The following DENND1A variants were observed in gnomAD, a reference collection of about 807,000 sequenced individuals.
DENND1A encodes the protein DENN domain-containing protein 1A.
Under a neutral mutation model 113.7 loss-of-function variants are expected in DENND1A, and 51 were observed. That is an observed-to-expected ratio of 0.45 (90% CI 0.36 to 0.57). The LOEUF is 0.57. DENND1A is among the 20% of genes least tolerant of loss of function. DENND1A has a pLI of 0.00. For missense variants in DENND1A, 1,258 were observed against 1,395.9 expected, an observed-to-expected ratio of 0.90 and a Z score of 1.57; for synonymous variants, 565 against 570.8, an observed-to-expected ratio of 0.99 and a Z score of 0.14.
intron 20 of DENND1A, among the ~76,000 whole-genome samples, chr9:123,406,760 C>T (rs1351005590): frequency 1.3e-5 from 2 of 152,174 alleles, no homozygotes; most frequent in Admixed American, 6.5e-5. Flanking sequence ...GAATGATCCC[C>T]ACCCCCAACT....
At chr9:123,886,958 C>T (rs1167155718) in intron 1 of DENND1A, among the ~76,000 whole-genome samples, 3 of 152,194 alleles carry the variant, frequency 2.0e-5, no homozygotes, top group Non-Finnish European at 2.9e-5. Context: ...TATATCCCTA[C>T]GGGAAGATTC....
intron 1 of DENND1A, among the ~76,000 whole-genome samples, chr9:123,913,125 A>C (rs1013808739): frequency 1.3e-4 from 19 of 150,582 alleles, no homozygotes; most frequent in East Asian, 3.9e-4. Flanking sequence ...AAAAAAAAAA[A>C]AAAAAAAAAA....
chr9:123,890,406 T>A (rs909542006), intron 1 of DENND1A, among the ~76,000 whole-genome samples: 2 of 152,222 alleles, frequency 1.3e-5, no homozygotes, highest in African/African-American at 4.8e-5. Flanking sequence ...AAGCTATTTA[T>A]GGAGGAATAT....
In DENND1A at chr9:123,745,563, C is replaced by T. The variant is rs118101375; in HGVS notation, c.302+12140G>A. Among the ~76,000 whole-genome samples, 3 of 152,304 alleles carry T rather than the reference C, an allele frequency of 2.0e-5. No homozygotes were observed. The East Asian group carries it at 5.8e-4, about 29-fold the overall frequency. On this transcript the variant is annotated intron_variant, in intron 5 of 23. Transcript: ENST00000394215. ...GATTGAGCTTAATAGAATAAAATTGCCCAATTTGGCATTTATCCCAATGAA... is the reference window on the plus strand; with the variant it reads ...GATTGAGCTTAATAGAATAAAATTGTCCAATTTGGCATTTATCCCAATGAA...
chr9:123,495,682 C>T (rs1469920448), intron 13 of DENND1A, among the ~76,000 whole-genome samples: 1 of 152,196 alleles, frequency 6.6e-6, no homozygotes, highest in Non-Finnish European at 1.5e-5. Context: ...TAAAGACAAG[C>T]AAGAATCCTG....
chr9:123,461,125 C>T (rs1238050913), intron 13 of DENND1A, among the ~76,000 whole-genome samples: 1 of 152,230 alleles, frequency 6.6e-6, no homozygotes, highest in Admixed American at 6.5e-5. Context: ...CACACCACAT[C>T]CTTCCTTCCT....
intron 5 of DENND1A, among the ~76,000 whole-genome samples, chr9:123,677,910 T>C (rs1351734520): frequency 1.3e-5 from 2 of 152,136 alleles, no homozygotes; most frequent in Admixed American, 1.3e-4. Context: ...CTCATAGATA[T>C]GCTCCCCTCA....
chr9:123,508,529 T>C (rs898134673), intron 13 of DENND1A, among the ~76,000 whole-genome samples: 14 of 152,238 alleles, frequency 9.2e-5, no homozygotes, highest in African/African-American at 3.4e-4. Context: ...AATTTTCTTG[T>C]AATTGTGCCA....
chr9:123,450,619 A>C, intron 18 of DENND1A, 74 bp downstream of exon 18: 1 of 1,219,598 alleles, frequency 8.2e-7, no homozygotes, highest in Non-Finnish European at 1.2e-6. Flanking sequence ...CCCTCTATTG[A>C]TCCCCTCATA....
chr9:123,808,123 G>A (rs531442039), intron 2 of DENND1A, among the ~76,000 whole-genome samples: 12 of 152,168 alleles, frequency 7.9e-5, no homozygotes, highest in African/African-American at 2.4e-4. Flanking sequence ...CTACTCAGGA[G>A]GCTGAGGCAG....
chr9:123,733,819 C>A (rs1035626024), intron 5 of DENND1A, among the ~76,000 whole-genome samples: 1 of 151,908 alleles, frequency 6.6e-6, no homozygotes, highest in Admixed American at 6.6e-5. Flanking sequence ...GCACATGCCA[C>A]CATGACCAGC....
At chr9:123,553,278 A>G (rs1005789932) in intron 13 of DENND1A, among the ~76,000 whole-genome samples, 2 of 152,150 alleles carry the variant, frequency 1.3e-5, no homozygotes, top group African/African-American at 4.8e-5. Flanking sequence ...TACAATAGTA[A>G]AATAATTTTT....
At chr9:123,875,941 C>A (rs1282962039) in intron 2 of DENND1A, among the ~76,000 whole-genome samples, 1 of 152,202 alleles carries the variant, frequency 6.6e-6, no homozygotes, top group Non-Finnish European at 1.5e-5. Context: ...TTCTGAAGAA[C>A]TGGATAACAT....
intron 6 of DENND1A, among the ~76,000 whole-genome samples, chr9:123,671,863 T>C (rs896338966): frequency 6.6e-6 from 1 of 152,188 alleles, no homozygotes; most frequent in African/African-American, 2.4e-5. Context: ...GCATGCAATA[T>C]AGGATGGTGG....
chr9:123,490,529 T>A (rs1344565425), intron 13 of DENND1A, among the ~76,000 whole-genome samples: 1 of 151,888 alleles, frequency 6.6e-6, no homozygotes, highest in Non-Finnish European at 1.5e-5. Flanking sequence ...ACAGAGGTTA[T>A]AGTGAGCCAA....
chr9:123,906,192 G>T (rs1220879707), intron 1 of DENND1A, among the ~76,000 whole-genome samples: 1 of 147,206 alleles, frequency 6.8e-6, no homozygotes, highest in Non-Finnish European at 1.5e-5. Context: ...AGAATCTCTG[G>T]GACACATTCA....
At chr9:123,721,625 G>C (rs1370353546) in intron 5 of DENND1A, among the ~76,000 whole-genome samples, 2 of 152,154 alleles carry the variant, frequency 1.3e-5, no homozygotes, top group African/African-American at 4.8e-5. Flanking sequence ...TCAAATCATG[G>C]GGGCAGGTCT....
intron 12 of DENND1A, among the ~76,000 whole-genome samples, chr9:123,567,135 A>G (rs2136247401): frequency 6.6e-6 from 1 of 152,330 alleles, no homozygotes; most frequent in Middle Eastern, 3.4e-3. Flanking sequence ...AGTGTTTTCA[A>G]AGAAGGGTTT....
At chr9:123,457,609 G>A (rs954879100) in intron 14 of DENND1A, among the ~76,000 whole-genome samples, 174 bp from the exon 15 acceptor site, 13 of 152,156 alleles carry the variant, frequency 8.5e-5, no homozygotes, top group Admixed American at 8.5e-4. Flanking sequence ...AAAACCACAC[G>A]GCAGATTTGC....
Sources: gnomAD v4.1 joint callset for allele counts (sites outside exome capture counted in the v4.1 genomes callset) on GRCh38, gnomAD v4.1.1 for gene constraint, MANE v1.5 for transcripts, NCBI Gene and HGNC (gene_info 2026-07-23, HGNC 2026-07-21) for gene names.